Variants in SEMA5B observed in about 807,000 individuals in gnomAD.
SEMA5B encodes the protein semaphorin-5B.
A neutral mutation model predicts 135.0 loss-of-function variants in SEMA5B; 66 were observed. That is an observed-to-expected ratio of 0.49 (90% CI 0.40 to 0.60). The LOEUF is 0.60. Ranked by LOEUF, SEMA5B falls within the 20% of genes least tolerant of loss-of-function variation. The pLI, the probability that SEMA5B is intolerant of heterozygous loss-of-function variation, is 0.00. For missense variants in SEMA5B, 1,501 were observed against 1,566.3 expected (o/e 0.96, Z 0.70); for synonymous variants, 690 against 639.5 (o/e 1.08, Z -1.19).
At chr3:123,010,245 C>A (rs775066144) in intron 1 of SEMA5B, among the ~76,000 whole-genome samples, 6 of 152,158 alleles carry the variant, frequency 3.9e-5, no homozygotes, top group Non-Finnish European at 7.3e-5. Flanking sequence ...TGGGACAAAT[C>A]ATGGAATTTG....
chr3:122,968,398 G>A (rs966807945), intron 1 of SEMA5B, among the ~76,000 whole-genome samples: 1 of 152,180 alleles, frequency 6.6e-6, no homozygotes, highest in Admixed American at 6.5e-5. Context: ...TTCAGGGTTT[G>A]CCTCCCTAGA....
intron 1 of SEMA5B, among the ~76,000 whole-genome samples, chr3:122,986,909 C>T (rs763533037): frequency 1.3e-5 from 2 of 152,094 alleles, no homozygotes; most frequent in Non-Finnish European, 2.9e-5. Flanking sequence ...AGGGCCCGGC[C>T]GTGAGCTAGC....
intron 1 of SEMA5B, among the ~76,000 whole-genome samples, chr3:122,996,854 A>G (rs1942033378): frequency 6.6e-6 from 1 of 152,190 alleles, no homozygotes; most frequent in South Asian, 2.1e-4. Context: ...TTGCACAGGC[A>G]AAGATCCTTC....
rs751602604 is a variant in SEMA5B at position 122,915,494 on chromosome 3, C to A, written c.1934G>T (p.Arg645Leu). The A allele has an allele frequency of 5.0e-6, 8 of 1,613,900 alleles. No homozygotes were observed. The highest frequency in any genetic ancestry group is 6.8e-6 in the Non-Finnish European group (8 of 1,179,922). ...RARSCDSPRP[R>L]CGGLDCLGPA... ...CCCCAGGCAGTCAAGGCCCCCACAG[C>A]GGGGTCGAGGGGAATCACAGGATCG... The change falls in exon 14 of 23, where the codon CGC becomes CTC. Residue 645 changes from arginine to leucine, a missense_variant. Transcript: ENST00000357599.
intron 12 of SEMA5B, 48 bp from the exon 13 acceptor site, chr3:122,915,938 C>T: frequency 7.0e-7 from 1 of 1,427,706 alleles, no homozygotes; most frequent in Non-Finnish European, 9.9e-7. Flanking sequence ...TTCCCAGCCT[C>T]ACCTGCATCT....
chr3:122,936,159 T>C (rs980447318), intron 5 of SEMA5B, among the ~76,000 whole-genome samples: 4 of 152,090 alleles, frequency 2.6e-5, no homozygotes, highest in Non-Finnish European at 4.4e-5. Flanking sequence ...GAACACAGAG[T>C]GCTTTAAACA....
intron 5 of SEMA5B, 61 bp from the exon 6 acceptor site, chr3:122,929,119 C>T: frequency 1.3e-6 from 2 of 1,505,202 alleles, no homozygotes; most frequent in Non-Finnish European, 1.8e-6. Context: ...CTGCCACTCA[C>T]TGGCAGAGCA....
At chr3:122,953,724 G>T (rs1052924609) in intron 2 of SEMA5B, among the ~76,000 whole-genome samples, 1 of 152,152 alleles carries the variant, frequency 6.6e-6, no homozygotes, top group African/African-American at 2.4e-5. Context: ...AAGAGTGATT[G>T]GTTCCCATAT....
chr3:122,945,435 C>T (rs921435315), intron 3 of SEMA5B, among the ~76,000 whole-genome samples: 6 of 152,140 alleles, frequency 3.9e-5, no homozygotes, highest in African/African-American at 1.4e-4. Context: ...CAAGGATCCT[C>T]CTCCTCCAGG....
chr3:122,999,942 G>C (rs1048258921), intron 1 of SEMA5B, among the ~76,000 whole-genome samples: 1 of 152,238 alleles, frequency 6.6e-6, no homozygotes, highest in Non-Finnish European at 1.5e-5. Context: ...GGGCATAGTG[G>C]CTCACGCCTG....
intron 2 of SEMA5B, among the ~76,000 whole-genome samples, chr3:122,950,583 A>T (rs1360854040): frequency 6.6e-6 from 1 of 152,258 alleles, no homozygotes; most frequent in Non-Finnish European, 1.5e-5. Context: ...TATTGAATCT[A>T]ATAACAAAAT....
intron 5 of SEMA5B, among the ~76,000 whole-genome samples, chr3:122,934,417 G>A (rs1939145599): frequency 6.6e-6 from 1 of 152,200 alleles, no homozygotes; most frequent in South Asian, 2.1e-4. Flanking sequence ...AACAATCAAT[G>A]TACAGGTGAT....
At chr3:122,982,687 A>G (rs944099886) in intron 1 of SEMA5B, among the ~76,000 whole-genome samples, 1 of 151,100 alleles carries the variant, frequency 6.6e-6, no homozygotes, top group Admixed American at 6.6e-5. Flanking sequence ...CCCTTCATGC[A>G]CCACCCCCCA....
chr3:122,913,829 GAC>G, intron 15 of SEMA5B, 27 bp downstream of exon 15: 1 of 1,580,428 alleles, frequency 6.3e-7, no homozygotes, highest in Non-Finnish European at 8.6e-7. Flanking sequence ...GTTAGTCTGG[GAC>G]CTCAGAGCAA....
chr3:122,956,820 A>G (rs1560361275), intron 2 of SEMA5B, among the ~76,000 whole-genome samples: 1 of 152,170 alleles, frequency 6.6e-6, no homozygotes, highest in Admixed American at 6.5e-5. Context: ...AGCGGGAAGC[A>G]GCTGATGTGA....
chr3:122,952,852 C>A (rs1032874024), intron 2 of SEMA5B, among the ~76,000 whole-genome samples: 2 of 152,174 alleles, frequency 1.3e-5, no homozygotes, highest in East Asian at 1.9e-4. Context: ...CCTCAACAGA[C>A]CAGAGCTCGT....
At chr3:122,917,473 T>C (rs1199689316) in intron 12 of SEMA5B, among the ~76,000 whole-genome samples, 3 of 152,156 alleles carry the variant, frequency 2.0e-5, no homozygotes, top group Non-Finnish European at 4.4e-5. Flanking sequence ...TGGGGTAGAA[T>C]TTTTCTTATC....
At chr3:122,942,412 A>C (rs1939598327) in intron 4 of SEMA5B, among the ~76,000 whole-genome samples, 1 of 152,188 alleles carries the variant, frequency 6.6e-6, no homozygotes, top group Non-Finnish European at 1.5e-5. Context: ...TGCCCAACCC[A>C]GTGGCCATCC....
intron 1 of SEMA5B, among the ~76,000 whole-genome samples, chr3:123,022,384 T>C (rs1027521012): frequency 1.3e-5 from 2 of 152,236 alleles, no homozygotes; most frequent in African/African-American, 4.8e-5. Context: ...ACAAGTTCCA[T>C]GCGCAAGTCT....
Sources: allele counts gnomAD v4.1 joint callset (sites outside exome capture counted in the v4.1 genomes callset), GRCh38; gene constraint gnomAD v4.1.1; transcripts MANE v1.5; gene names NCBI Gene and HGNC (gene_info 2026-07-23, HGNC 2026-07-21).